The following WHR1 variants were observed in gnomAD, a reference collection of about 807,000 sequenced individuals.
The protein encoded by WHR1 is winged helix repair factor 1.
At chr6:31,974,060 G>T in the WHR1 span, among the ~76,000 whole-genome samples, 1 of 152,046 alleles carries the variant, frequency 6.6e-6, no homozygotes, top group Non-Finnish European at 1.5e-5. Flanking sequence ...GAGGTGGGTG[G>T]ATCTCTTGAG....
the WHR1 span, among the ~76,000 whole-genome samples, chr6:31,973,550 A>G: frequency 1.3e-5 from 2 of 152,192 alleles, no homozygotes; most frequent in African/African-American, 2.4e-5. Flanking sequence ...AGAAGGTGAT[A>G]AAAGCTATGG....
At chr6:31,973,999 C>T in the WHR1 span, among the ~76,000 whole-genome samples, 3 of 152,026 alleles carry the variant, frequency 2.0e-5, no homozygotes, top group Non-Finnish European at 2.9e-5. Context: ...AAGAGGAACC[C>T]AGAGGCCGGC....
chr6:31,972,360 G>A, the WHR1 span: 1 of 1,613,056 alleles, frequency 6.2e-7, no homozygotes, highest in South Asian at 1.1e-5. This position sits in a 1 kb window ranked among gnomAD's most constrained non-coding sequence, Gnocchi z 6.3. Flanking sequence ...CTATTTTCAG[G>A]TTCTCTTCCC....
At chr6:31,972,388 C>A in the WHR1 span, 1 of 1,613,098 alleles carries the variant, frequency 6.2e-7, no homozygotes, top group Non-Finnish European at 8.5e-7. This position sits in a 1 kb window ranked among gnomAD's most constrained non-coding sequence, Gnocchi z 6.3. Flanking sequence ...CTACCCCTTC[C>A]CCGGTACCAT....
chr6:31,976,578 G>A, the WHR1 span, among the ~76,000 whole-genome samples: 2 of 151,084 alleles, frequency 1.3e-5, no homozygotes, highest in Non-Finnish European at 2.9e-5. Flanking sequence ...CCAGGCAGAG[G>A]GGCTCCTCAC....
chr6:31,979,386 G>T, the WHR1 span: 7 of 1,612,420 alleles, frequency 4.3e-6, no homozygotes, highest in Non-Finnish European at 5.9e-6. Flanking sequence ...GGGTGGGGAT[G>T]GACCATGTCT....
At chr6:31,975,201 CTTTT>C in the WHR1 span, among the ~76,000 whole-genome samples, 4 of 136,904 alleles carry the variant, frequency 2.9e-5, no homozygotes, top group South Asian at 2.3e-4. Flanking sequence ...TTAGTTTTCC[CTTTT>C]TTTTTTTTTT....
the WHR1 span, chr6:31,971,668 G>GGATC: frequency 6.2e-7 from 1 of 1,604,220 alleles, no homozygotes; most frequent in African/African-American, 1.3e-5. This position sits in a 1 kb window ranked among gnomAD's most constrained non-coding sequence, Gnocchi z 4.5. Context: ...GGTCCCCCTG[G>GGATC]GATCCATGAG....
At chr6:31,971,279 GTACGGGTCTC>G in the WHR1 span, 1 of 1,538,102 alleles carries the variant, frequency 6.5e-7, no homozygotes, top group African/African-American at 1.4e-5. This position sits in a 1 kb window ranked among gnomAD's most constrained non-coding sequence, Gnocchi z 4.5. Context: ...TAGAGGGTAG[GTACGGGTCTC>G]CAGATATACT....
the WHR1 span, chr6:31,972,040 GACAGTGGCGGGCAAACCCCTCC>G: frequency 6.2e-7 from 1 of 1,611,384 alleles, no homozygotes; most frequent in South Asian, 1.1e-5. This position sits in a 1 kb window ranked among gnomAD's most constrained non-coding sequence, Gnocchi z 6.3. Flanking sequence ...ATCATTCAGC[GACAGTGGCGGGCAAACCCCTCC>G]CGGGGCGGGG....
the WHR1 span, chr6:31,979,352 G>T: frequency 6.2e-7 from 1 of 1,603,360 alleles, no homozygotes; most frequent in South Asian, 1.1e-5. Flanking sequence ...TGCTGTCCTG[G>T]GGGTGGAGGT....
At chr6:31,973,280 G>A in the WHR1 span, 12 of 287,934 alleles carry the variant, frequency 4.2e-5, no homozygotes, top group African/African-American at 2.2e-4. Context: ...TGCGTGGCTG[G>A]TGGTATTAGG....
At chr6:31,971,702 G>C in the WHR1 span, 8 of 1,582,136 alleles carry the variant, frequency 5.1e-6, no homozygotes, top group Non-Finnish European at 4.3e-6. The surrounding 1 kb of genome is among the most constrained non-coding windows in gnomAD (Gnocchi z 4.5). Context: ...CAGGGGTACA[G>C]AGTTTCCATT....
the WHR1 span, chr6:31,980,479 G>T: frequency 7.4e-6 from 12 of 1,612,992 alleles, no homozygotes; most frequent in African/African-American, 9.3e-5. Context: ...AGTCCTCACC[G>T]TCCGAGATGC....
chr6:31,979,075 T>C, the WHR1 span: 1 of 1,476,176 alleles, frequency 6.8e-7, no homozygotes, highest in Non-Finnish European at 9.4e-7. Flanking sequence ...GAAACAGAAA[T>C]AAAAACAAAA....
chr6:31,980,400 A>T, the WHR1 span: 1 of 1,494,682 alleles, frequency 6.7e-7, no homozygotes, highest in Non-Finnish European at 9.1e-7. Context: ...AGGAGGAGAG[A>T]TGGTTCTCAG....
the WHR1 span, chr6:31,971,261 C>G: frequency 6.5e-7 from 1 of 1,540,532 alleles, no homozygotes; most frequent in South Asian, 1.2e-5. The surrounding 1 kb of genome is among the most constrained non-coding windows in gnomAD (Gnocchi z 4.5). Flanking sequence ...CTTTGGCTCT[C>G]CTAATTTTAG....
chr6:31,977,338 ATTTTT>A, the WHR1 span, among the ~76,000 whole-genome samples: 24,109 of 127,018 alleles, frequency 0.19, 2,455 homozygotes, highest in African/African-American at 0.34. Context: ...CGCCCAGCTA[ATTTTT>A]TTTTTTTTTT....
the WHR1 span, chr6:31,979,911 A>C: frequency 4.8e-6 from 1 of 210,310 alleles, no homozygotes; most frequent in Non-Finnish European, 9.5e-6. Context: ...AACAAAAAAA[A>C]CCCAAAGCTA....
Sources: allele counts gnomAD v4.1 joint callset (sites outside exome capture counted in the v4.1 genomes callset), GRCh38; gene constraint gnomAD v4.1.1; non-coding constraint Gnocchi (gnomAD v3.1); transcripts MANE v1.5; gene names NCBI Gene and HGNC (gene_info 2026-07-23, HGNC 2026-07-21).